MICOS10: variants seen among roughly 807,000 people sequenced by gnomAD.
MICOS10 encodes the protein mitochondrial contact site and cristae organizing system subunit 10.
In MICOS10, 5 loss-of-function variants were observed where a neutral mutation model predicts 13.4. That is an observed-to-expected ratio of 0.37 (90% CI 0.20 to 0.78). MICOS10 has a LOEUF of 0.78. MICOS10 is among the 30% of genes least tolerant of loss of function. The pLI, the probability that MICOS10 is intolerant of heterozygous loss-of-function variation, is 0.47. For synonymous variants in MICOS10, 35 were observed against 33.6 expected (o/e 1.04, Z -0.15); for missense variants, 101 against 94.6 (o/e 1.07, Z -0.28).
chr1:19,612,956 G>A (rs747308254), intron 1 of MICOS10, among the ~76,000 whole-genome samples: 2 of 151,986 alleles, frequency 1.3e-5, no homozygotes, highest in Non-Finnish European at 2.9e-5. Flanking sequence ...TCTTTCCTAC[G>A]GATCCCTGAC....
At chr1:19,602,612 G>A (rs995036076) in intron 1 of MICOS10, among the ~76,000 whole-genome samples, 20 of 152,288 alleles carry the variant, frequency 1.3e-4, no homozygotes, top group Admixed American at 3.9e-4. Flanking sequence ...GGCATGTTCC[G>A]TTAGTTTTAT....
intron 1 of MICOS10, among the ~76,000 whole-genome samples, chr1:19,604,041 G>A (rs2094825859): frequency 6.6e-6 from 1 of 152,134 alleles, no homozygotes; most frequent in African/African-American, 2.4e-5. Context: ...CAGTCATTTT[G>A]TTTTTCTTTT....
intron 1 of MICOS10, chr1:19,617,425 C>T (rs1275128874): frequency 2.2e-6 from 1 of 448,688 alleles, no homozygotes; most frequent in Non-Finnish European, 2.9e-6. Flanking sequence ...TTAATACAGA[C>T]TAAATTCACC....
At chr1:19,609,306 C>T (rs1444124545) in intron 1 of MICOS10, among the ~76,000 whole-genome samples, 2 of 152,042 alleles carry the variant, frequency 1.3e-5, no homozygotes, top group Non-Finnish European at 2.9e-5. Context: ...TACCTACACA[C>T]CCATTAAAAT....
At chr1:19,622,920 C>CTTTT (rs373297142) in intron 2 of MICOS10, among the ~76,000 whole-genome samples, 1 of 131,926 alleles carries the variant, frequency 7.6e-6, no homozygotes, top group Non-Finnish European at 1.6e-5. Flanking sequence ...TATTTTACTA[C>CTTTT]TTTTTTTTTT....
At position 19,622,157 on chromosome 1, in the gene MICOS10, A is replaced by G; in HGVS notation, c.112+10A>G. The G allele has an allele frequency of 3.7e-6, 6 of 1,604,450 alleles. No individual in the cohort carries two copies. The highest frequency in any genetic ancestry group is 5.1e-6 in the Non-Finnish European group (6 of 1,172,266). On this transcript the variant is annotated intron_variant, in intron 2 of 3. Coordinates refer to ENST00000322753, the MANE Select transcript of MICOS10 (RefSeq NM_001032363.4). ...CTTACCTTCTTTAAAAGTAAGTGTC[A>G]CTCTGTCTTTTCAACATAATGTCAT...
At chr1:19,607,159 G>C (rs781408235) in intron 1 of MICOS10, among the ~76,000 whole-genome samples, 5 of 152,194 alleles carry the variant, frequency 3.3e-5, no homozygotes, top group Non-Finnish European at 7.3e-5. Flanking sequence ...TGTTGAATTG[G>C]GTAGCCACAT....
At chr1:19,603,751 G>A (rs1478879868) in intron 1 of MICOS10, among the ~76,000 whole-genome samples, 3 of 152,206 alleles carry the variant, frequency 2.0e-5, no homozygotes, top group African/African-American at 7.2e-5. Context: ...GAAATTCATT[G>A]AATGGTTAGC....
intron 1 of MICOS10, among the ~76,000 whole-genome samples, chr1:19,612,899 T>G (rs1345854433): frequency 6.6e-6 from 1 of 152,234 alleles, no homozygotes; most frequent in Non-Finnish European, 1.5e-5. Flanking sequence ...TAAAAATATT[T>G]GACTGCCTTT....
chr1:19,607,829 A>G (rs1376041865), intron 1 of MICOS10, among the ~76,000 whole-genome samples: 1 of 152,256 alleles, frequency 6.6e-6, no homozygotes, highest in Admixed American at 6.5e-5. Flanking sequence ...GGCTTGCAGT[A>G]AAGCTACAAG....
intron 1 of MICOS10, among the ~76,000 whole-genome samples, chr1:19,613,954 T>C (rs770414264): frequency 6.6e-6 from 1 of 152,196 alleles, no homozygotes; most frequent in Non-Finnish European, 1.5e-5. Context: ...ATAAGTTTAT[T>C]GTGAAGATTA....
rs775019417 is a variant in MICOS10, at chr1:19,608,564, T to G, written c.64+11455T>G. On this transcript the variant is annotated intron_variant, in intron 1 of 3. Coordinates refer to ENST00000322753, the MANE Select transcript of MICOS10 (RefSeq NM_001032363.4). ...GAAGGGGGTCACCGTGGTCGCCGTC[T>G]GTGAACAAGATTCCTCAAAATATTT... 3.4e-6 allele frequency: 3 copies of G among 888,284 alleles called. No homozygotes were observed. In the South Asian group the frequency reaches 4.0e-5, roughly 12 times the overall value. The allele number at this position is 888,284 out of a possible 1,614,324, so 55.0% of individuals were successfully genotyped here.
intron 1 of MICOS10, among the ~76,000 whole-genome samples, chr1:19,612,901 A>G (rs917533033): frequency 1.3e-5 from 2 of 152,132 alleles, no homozygotes; most frequent in Non-Finnish European, 2.9e-5. Context: ...AAAATATTTG[A>G]CTGCCTTTTC....
intron 1 of MICOS10, chr1:19,608,478 C>A: frequency 8.0e-7 from 1 of 1,248,026 alleles, no homozygotes; most frequent in African/African-American, 1.5e-5. Flanking sequence ...CTTGCCTGCT[C>A]GGGTATGAAG....
chr1:19,601,137 A>G, intron 1 of MICOS10: 1 of 567,914 alleles, frequency 1.8e-6, no homozygotes, highest in Non-Finnish European at 2.9e-6. Context: ...CCTGTACTTT[A>G]GGCAGTGGTC....
At chr1:19,598,197 C>CT (rs1275633951) in intron 1 of MICOS10, 1 of 152,186 alleles carries the variant, frequency 6.6e-6, no homozygotes, top group East Asian at 1.9e-4. Flanking sequence ...GAATTCAGCA[C>CT]TTACAGTCAA....
intron 1 of MICOS10, chr1:19,601,373 G>A (rs2094814238): frequency 9.9e-6 from 2 of 201,066 alleles, no homozygotes; most frequent in South Asian, 8.1e-5. Flanking sequence ...GAGCCCAAGA[G>A]GTCGAGACCA....
At chr1:19,619,187 CT>C (rs1395302290) in intron 1 of MICOS10, among the ~76,000 whole-genome samples, 2 of 152,192 alleles carry the variant, frequency 1.3e-5, no homozygotes, top group African/African-American at 4.8e-5. Context: ...GCAATTGGAA[CT>C]TTTGTGAAGT....
chr1:19,598,770 C>T (rs2094802652), intron 1 of MICOS10, among the ~76,000 whole-genome samples: 1 of 151,918 alleles, frequency 6.6e-6, no homozygotes, highest in East Asian at 1.9e-4. Context: ...AAGAGATTTA[C>T]CTGAAAGTAT....
Sources: allele counts gnomAD v4.1 joint callset (sites outside exome capture counted in the v4.1 genomes callset), GRCh38; gene constraint gnomAD v4.1.1; transcripts MANE v1.5; gene names NCBI Gene and HGNC (gene_info 2026-07-23, HGNC 2026-07-21).